DLL3: variants seen among roughly 807,000 people sequenced by gnomAD.
The protein encoded by DLL3 is delta-like protein 3.
DLL3 carries 49 observed loss-of-function variants against 55.0 expected under a neutral mutation model. The ratio of observed to expected loss-of-function variants is 0.89; its 90% CI spans 0.71 to 1.13. The LOEUF (loss-of-function observed/expected upper bound fraction) is 1.13, where lower values mean the gene tolerates loss of function less well. Ranked by LOEUF, DLL3 falls within the 50% of genes most tolerant of loss-of-function variation. The pLI is 0.00. For missense variants in DLL3, 962 were observed against 875.5 expected (o/e 1.10, Z -1.25); for synonymous variants, 421 against 385.2 (o/e 1.09, Z -1.09).
chr19:39,504,847 TAGGGAG>T (rs2079631193), intron 5 of DLL3, among the ~76,000 whole-genome samples: 1 of 151,782 alleles, frequency 6.6e-6, no homozygotes, highest in Non-Finnish European at 1.5e-5. Flanking sequence ...TTCAAATACT[TAGGGAG>T]AGGCCCTGGG....
At chr19:39,499,586 G>T in intron 2 of DLL3, 113 bp downstream of exon 2, 1 of 1,397,334 alleles carries the variant, frequency 7.2e-7, no homozygotes, top group Non-Finnish European at 9.7e-7. Flanking sequence ...CCCAGGGGGT[G>T]GACGAAATTC....
At chr19:39,506,927 A>T in intron 6 of DLL3, 112 bp from the exon 7 acceptor site, 1 of 1,153,186 alleles carries the variant, frequency 8.7e-7, no homozygotes, top group Non-Finnish European at 1.2e-6. Flanking sequence ...GCTGGCCCTT[A>T]AGTTAGAGAG....
At position 39,504,079 on chromosome 19, in the gene DLL3, C is replaced by T. The variant is rs200275281; in HGVS notation, c.661C>T (p.Arg221Ter). ...CTCTCTGTCCCCCATAGTGGTGTGCCGAGCAGGCTGCAGCCCTGAGCATGG... is the reference window on the plus strand; with the variant it reads ...CTCTCTGTCCCCCATAGTGGTGTGCTGAGCAGGCTGCAGCCCTGAGCATGG... ...EDECEAPLVCRAGCSPEHGFC... is the reference protein window; with the variant it reads ...EDECEAPLVC The change falls in exon 5 of 9, where the codon CGA (arginine) becomes TGA (stop). Residue 221 changes from arginine (R) to a stop codon, truncating the protein, a stop_gained. Coordinates refer to ENST00000356433, the MANE Select transcript of DLL3 (RefSeq NM_203486.3). LOFTEE classifies it high-confidence loss of function. 6.2e-6 allele frequency: 10 copies of T among 1,613,174 alleles called. No individual in the cohort carries two copies. Among genetic ancestry groups the T allele is most frequent in the South Asian group, 2.2e-5 (2 of 91,088 alleles).
chr19:39,503,042 GA>G lies in DLL3; in HGVS notation c.639del (p.Glu213AspfsTer28). On this transcript the variant is annotated frameshift_variant, in exon 4 of 9. Transcript: ENST00000356433. LOFTEE classifies it high-confidence loss of function. The stretch of plus-strand genomic sequence containing the variant: ...GCGCCCCTGCGCACCGCTCGAGGAC[GA>G]ATGTGAGGCGCCGCGTGAGTCCTGC... ...GLRPCAPLEDECEAPLVCRAG... is the reference protein window; with the variant it reads ...GLRPCAPLEDXCEAPLVCRAG... The G allele has an allele frequency of 6.6e-7, 1 of 1,521,288 alleles. No homozygotes were observed. The highest frequency in any genetic ancestry group is 8.8e-7 in the Non-Finnish European group (1 of 1,141,126). The allele number at this position is 1,521,288 out of a possible 1,614,324, so 94.2% of individuals were successfully genotyped here. A position where few individuals can be genotyped will look rare whatever the true frequency, so the allele number is the denominator to read the frequency against.
chr19:39,508,343 G>C lies in DLL3; in HGVS notation c.*86G>C. On this transcript the variant is annotated 3_prime_UTR_variant, in exon 9 of 9. Coordinates refer to ENST00000356433, the MANE Select transcript of DLL3 (RefSeq NM_203486.3). ...CCCAGTCTCTGCCCCAGAGGCTTTG[G>C]AGTTCAATCTTGAAGGGGTGTCTGG... is the stretch of plus-strand genomic sequence containing the variant. 6.6e-7 allele frequency: 1 copy of C among 1,510,104 alleles called. No homozygotes were observed. Among genetic ancestry groups the C allele is most frequent in the Non-Finnish European group, 9.2e-7 (1 of 1,087,286 alleles). The allele number at this position is 1,510,104 out of a possible 1,614,324, so 93.5% of individuals were successfully genotyped here.
At chr19:39,506,995 C>T in intron 6 of DLL3, 44 bp from the exon 7 acceptor site, 1 of 1,525,446 alleles carries the variant, frequency 6.6e-7, no homozygotes, top group Non-Finnish European at 8.8e-7. Flanking sequence ...GCAGGTGGGT[C>T]CCCGGCTCCC....
At position 39,500,692 on chromosome 19, in the gene DLL3, G is replaced by C. The variant is rs1310575091; in HGVS notation, c.409+20G>C. 3 of 1,610,616 alleles carry C rather than the reference G, an allele frequency of 1.9e-6. No individual in the cohort carries two copies. Among genetic ancestry groups the C allele is most frequent in the East Asian group, 4.5e-5 (2 of 44,818 alleles). On this transcript the variant is annotated intron_variant, in intron 3 of 8. Coordinates refer to ENST00000356433, the MANE Select transcript of DLL3 (RefSeq NM_203486.3). ...TTGGAGGTGAGTGTCTTCAGTCTTG[G>C]GACTGGTGGGGAGCTGGGGCCCACG... is the stretch of plus-strand genomic sequence containing the variant.
chr19:39,505,114 G>T (rs1368825984), intron 5 of DLL3, 115 bp from the exon 6 acceptor site: 7 of 1,075,560 alleles, frequency 6.5e-6, no homozygotes, highest in Non-Finnish European at 9.8e-6. Context: ...GGTGGCCCCT[G>T]CATAGTGGGA....
At chr19:39,503,174 G>A in intron 4 of DLL3, 117 bp downstream of exon 4, 2 of 1,148,982 alleles carry the variant, frequency 1.7e-6, no homozygotes, top group Non-Finnish European at 2.3e-6. Context: ...GGGTACTCTA[G>A]AGTCCCCCAC....
chr19:39,507,162 G>T lies in DLL3; in HGVS notation c.1217G>T (p.Cys406Phe). 7.0e-7 allele frequency: 1 copy of T among 1,431,764 alleles called. No individual in the cohort carries two copies. The highest frequency in any genetic ancestry group is 9.1e-7 in the Non-Finnish European group (1 of 1,101,616). The allele number at this position is 1,431,764 out of a possible 1,614,324, so 88.7% of individuals were successfully genotyped here. Residue 406 changes from cysteine to phenylalanine, a missense_variant, in exon 7 of 9, where the codon TGT becomes TTT. Coordinates refer to ENST00000356433, the MANE Select transcript of DLL3 (RefSeq NM_203486.3). The stretch of plus-strand genomic sequence containing the variant: ...CGCGCCTGCGCTAACGGCGGCACGT[G>T]TGTGGAGGGCGGCGGCGCGCACCGC... ...AGRACANGGT[C>F]VEGGGAHRCS...
At chr19:39,503,280 G>A (rs2079621993) in intron 4 of DLL3, among the ~76,000 whole-genome samples, 1 of 152,154 alleles carries the variant, frequency 6.6e-6, no homozygotes, top group African/African-American at 2.4e-5. Flanking sequence ...TGCCACCTTC[G>A]GAGAAACTGA....
At chr19:39,504,313 T>A in intron 5 of DLL3, 25 bp downstream of exon 5, 2 of 1,609,038 alleles carry the variant, frequency 1.2e-6, no homozygotes, top group Non-Finnish European at 8.5e-7. Flanking sequence ...TCCCACCTTG[T>A]CCTGCTTAGT....
At chr19:39,505,478 GGGATGGGGTGGGGGTCCT>G in intron 6 of DLL3, 27 bp downstream of exon 6, 1 of 1,612,130 alleles carries the variant, frequency 6.2e-7, no homozygotes, top group Non-Finnish European at 8.5e-7. Flanking sequence ...TGAACGGCGA[GGGATGGGGTGGGGGTCCT>G]GGATGGCTCA....
Position 39,505,327 on chromosome 19 carries a change from C to G in DLL3, c.969C>G (p.Asn323Lys), listed in dbSNP as rs139638161. The G allele has an allele frequency of 6.2e-7, 1 of 1,614,184 alleles. No individual in the cohort carries two copies. Residue 323 changes from asparagine to lysine, a missense_variant, in exon 6 of 9, where the codon AAC becomes AAG. By Grantham distance (94) the Asn-to-Lys change is moderately conservative. Coordinates refer to ENST00000356433, the MANE Select transcript of DLL3 (RefSeq NM_203486.3). ...CATGTGCAGATGGACCCTGCTTCAA[C>G]GGCGGCTTGTGTGTCGGGGGTGCAG... ...GVTCADGPCF[N>K]GGLCVGGADP...
Position 39,503,020 on chromosome 19 carries a change from C to T in DLL3, c.615C>T (p.Arg205=), listed in dbSNP as rs780088167. The T allele has an allele frequency of 1.0e-4, 155 of 1,511,506 alleles. No homozygotes were observed. The highest frequency in any genetic ancestry group is 2.0e-4 in the South Asian group (16 of 81,434). The allele number at this position is 1,511,506 out of a possible 1,614,324, so 93.6% of individuals were successfully genotyped here. A position where few individuals can be genotyped will look rare whatever the true frequency, so the allele number is the denominator to read the frequency against. ...SAPSRCGPGL[R]PCAPLEDECE... ...CCTCGCGGTGCGGTCCGGGACTGCG[C>T]CCCTGCGCACCGCTCGAGGACGAAT... Residue 205 remains arginine, a synonymous_variant, in exon 4 of 9, where the codon CGC becomes CGT. Coordinates refer to ENST00000356433, the MANE Select transcript of DLL3 (RefSeq NM_203486.3).
chr19:39,503,367 T>G (rs1181512270), intron 4 of DLL3, among the ~76,000 whole-genome samples: 2 of 152,120 alleles, frequency 1.3e-5, no homozygotes, highest in African/African-American at 4.8e-5. Flanking sequence ...TTGCCCCAAA[T>G]CGGAAGCCCA....
chr19:39,500,509 C>A, intron 2 of DLL3, 106 bp from the exon 3 acceptor site: 1 of 1,035,608 alleles, frequency 9.7e-7, no homozygotes. Flanking sequence ...TTGCTCAGTC[C>A]CCAGCAATGG....
Position 39,499,217 on chromosome 19 carries a change from T to C in DLL3, c.95T>C (p.Leu32Pro). The change falls in exon 2 of 9, where the codon CTG (leucine) becomes CCG (proline). Residue 32 changes from leucine to proline, a missense_variant. Transcript: ENST00000356433. The stretch of plus-strand genomic sequence containing the variant: ...ACACGGCCCGCTGGCGTCTTCGAGC[T>C]GCAGATCCACTCTTTCGGGCCGGGT... ...PQTRPAGVFELQIHSFGPGPG... is the reference protein window; with the variant it reads ...PQTRPAGVFEPQIHSFGPGPG... 1 of 1,564,118 alleles carries C rather than the reference T, an allele frequency of 6.4e-7. No individual in the cohort carries two copies. Among genetic ancestry groups the C allele is most frequent in the South Asian group, 1.1e-5 (1 of 87,192 alleles).
chr19:39,502,859 T>C lies in DLL3; in HGVS notation c.454T>C (p.Leu152=), dbSNP rs1294160420. The C allele has an allele frequency of 4.9e-6, 7 of 1,414,546 alleles. No individual in the cohort carries two copies. In the South Asian group the frequency reaches 1.0e-4, roughly 21 times the overall value. 87.6% of individuals were successfully genotyped at this position (1,414,546 alleles called of 1,614,324 possible). A position where few individuals can be genotyped will look rare whatever the true frequency, so the allele number is the denominator to read the frequency against. The stretch of plus-strand genomic sequence containing the variant: ...GGCGCGCGTGGCTGGCAGGCGGCGC[T>C]TGGCAGCCGGAGGCCCGTGGGCCCG... ...LLARVAGRRR[L]AAGGPWARDI... is the part of the protein sequence containing the mutation. The change falls in exon 4 of 9, where the codon TTG becomes CTG. Residue 152 remains leucine (L), a synonymous_variant. Transcript: ENST00000356433.
Sources: gnomAD v4.1 joint callset for allele counts (sites outside exome capture counted in the v4.1 genomes callset) on GRCh38, gnomAD v4.1.1 for gene constraint, MANE v1.5 for transcripts, NCBI Gene and HGNC (gene_info 2026-07-23, HGNC 2026-07-21) for gene names.